FYB2: variants seen among roughly 807,000 people sequenced by gnomAD.
FYB2 encodes FYN-binding protein 2.
FYB2 carries 103 observed loss-of-function variants against 94.1 expected under a neutral mutation model. The observed-to-expected ratio is 1.09, with a 90% CI of 0.93 to 1.29. The LOEUF (loss-of-function observed/expected upper bound fraction) is 1.29, where lower values mean the gene tolerates loss of function less well. Ranked by LOEUF, FYB2 falls within the 50% of genes most tolerant of loss-of-function variation. The pLI, the probability that FYB2 is intolerant of heterozygous loss-of-function variation, is 0.00. For synonymous variants in FYB2, 293 were observed against 287.9 expected, an observed-to-expected ratio of 1.02 and a Z score of -0.18; for missense variants, 896 against 841.5, an observed-to-expected ratio of 1.06 and a Z score of -0.80.
chr1:56,738,119 C>G (rs1644871160), intron 14 of FYB2, among the ~76,000 whole-genome samples: 2 of 152,182 alleles, frequency 1.3e-5, no homozygotes, highest in Non-Finnish European at 2.9e-5. Context: ...GTGTCAAGCA[C>G]CGTGCTAATT....
chr1:56,774,461 C>T (rs553528285), intron 4 of FYB2, among the ~76,000 whole-genome samples: 5 of 152,236 alleles, frequency 3.3e-5, no homozygotes, highest in South Asian at 4.1e-4. Flanking sequence ...CTTGTCCTTT[C>T]GAATTCTACC....
At chr1:56,788,934 C>T (rs1249777096) in intron 3 of FYB2, 39 bp downstream of exon 3, 2 of 1,612,208 alleles carry the variant, frequency 1.2e-6, no homozygotes, top group African/African-American at 2.7e-5. Context: ...GGAGGTGACT[C>T]CTGGTTGGCC....
upstream of FYB2, among the ~76,000 whole-genome samples, chr1:56,822,320 G>A (rs558079691): frequency 1.6e-4 from 25 of 152,188 alleles, no homozygotes; most frequent in Admixed American, 2.6e-4. Flanking sequence ...TATTTAAATC[G>A]TAGAGAAATA....
Position 56,719,609 on chromosome 1 carries a change from A to C in FYB2, c.*62T>G. On this transcript the variant is annotated 3_prime_UTR_variant, in exon 20 of 20. Coordinates refer to ENST00000343433, the MANE Select transcript of FYB2 (RefSeq NM_001004303.5). ...ATGTAAACTGAAACTGATGTAACGC[A>C]GGACTAGGATCTTAGGACTAGTTCT... The C allele has an allele frequency of 1.4e-6, 2 of 1,425,272 alleles. No individual in the cohort carries two copies. The highest frequency in any genetic ancestry group is 2.3e-5 in the East Asian group (1 of 42,682). The allele number at this position is 1,425,272 out of a possible 1,614,324, so 88.3% of individuals were successfully genotyped here. A position where few individuals can be genotyped will look rare whatever the true frequency, so the allele number is the denominator to read the frequency against.
In FYB2 at chr1:56,792,385, C is replaced by T. The variant is rs1209685393; in HGVS notation, c.428G>A (p.Trp143Ter). The T allele has an allele frequency of 6.2e-7, 1 of 1,614,142 alleles. No individual in the cohort carries two copies. The highest frequency in any genetic ancestry group is 1.3e-5 in the African/African-American group (1 of 75,036). ...ANSFRNKLWN[W>*]EKVSSQKSEM... ...ACTTTTCTGAGATGAAACCTTCTCC[C>T]AGTTCCAGAGTTTGTTTCTGAAGCT... The change falls in exon 2 of 20, where the codon TGG (tryptophan) becomes TAG (stop). Residue 143 changes from tryptophan (W) to a stop codon, truncating the protein, a stop_gained. Coordinates refer to ENST00000343433, the MANE Select transcript of FYB2 (RefSeq NM_001004303.5). LOFTEE classifies it high-confidence loss of function.
intron 9 of FYB2, among the ~76,000 whole-genome samples, chr1:56,750,506 T>C (rs1221630640): frequency 2.6e-5 from 4 of 151,954 alleles, no homozygotes; most frequent in African/African-American, 9.7e-5. Context: ...AACCTCCTTT[T>C]CTTTTTGTGT....
At chr1:56,727,869 C>T (rs909561173) in intron 15 of FYB2, among the ~76,000 whole-genome samples, 5 of 152,048 alleles carry the variant, frequency 3.3e-5, no homozygotes, top group Non-Finnish European at 7.4e-5. Context: ...AGAATTTATC[C>T]AGATTCAGTG....
chr1:56,770,708 C>T (rs1255065589), intron 4 of FYB2, among the ~76,000 whole-genome samples: 1 of 152,112 alleles, frequency 6.6e-6, no homozygotes, highest in East Asian at 1.9e-4. Flanking sequence ...ACGCTCTTCA[C>T]TAGATTACCC....
At chr1:56,809,985 T>C (rs1328096336) in intron 1 of FYB2, among the ~76,000 whole-genome samples, 2 of 151,864 alleles carry the variant, frequency 1.3e-5, no homozygotes, top group African/African-American at 2.4e-5. Flanking sequence ...TGATATTTTG[T>C]TGAAGATAGT....
intron 5 of FYB2, among the ~76,000 whole-genome samples, chr1:56,761,495 C>T (rs561451221): frequency 2.6e-5 from 4 of 152,230 alleles, no homozygotes; most frequent in African/African-American, 7.2e-5. Context: ...AAGGTATCTG[C>T]GAGAGTCTCC....
chr1:56,756,009 T>C, intron 6 of FYB2, 82 bp from the exon 7 acceptor site: 1 of 1,368,900 alleles, frequency 7.3e-7, no homozygotes, highest in Non-Finnish European at 1.0e-6. Context: ...CATTAGAGAC[T>C]ACACCAAAAG....
chr1:56,775,842 T>C (rs775996210), intron 4 of FYB2, among the ~76,000 whole-genome samples: 2 of 152,156 alleles, frequency 1.3e-5, no homozygotes, highest in Non-Finnish European at 2.9e-5. Flanking sequence ...GAGAGAAAAG[T>C]ATGTCTGCTA....
At chr1:56,786,266 T>C (rs1238860021) in intron 4 of FYB2, among the ~76,000 whole-genome samples, 2 of 152,228 alleles carry the variant, frequency 1.3e-5, no homozygotes, top group Non-Finnish European at 2.9e-5. Flanking sequence ...GACTCATGTA[T>C]GCTATGAAAG....
At chr1:56,720,993 C>G (rs76008787) in intron 17 of FYB2, 2 of 151,972 alleles carry the variant, frequency 1.3e-5, no homozygotes, top group African/African-American at 4.8e-5. Context: ...TCTGTGTGAG[C>G]TTATGTATTC....
intron 15 of FYB2, among the ~76,000 whole-genome samples, chr1:56,732,632 C>A (rs1446716097): frequency 6.6e-6 from 1 of 152,056 alleles, no homozygotes; most frequent in African/African-American, 2.4e-5. Context: ...AAAACAGACA[C>A]ACAAACCAAT....
At chr1:56,756,653 T>C (rs753055150) in intron 6 of FYB2, among the ~76,000 whole-genome samples, 14 of 152,158 alleles carry the variant, frequency 9.2e-5, no homozygotes, top group Non-Finnish European at 1.2e-4. Context: ...ACTGGTAGAA[T>C]GACAAGTCAG....
intron 5 of FYB2, among the ~76,000 whole-genome samples, chr1:56,767,527 A>C (rs1340469741): frequency 6.6e-6 from 1 of 152,192 alleles, no homozygotes; most frequent in African/African-American, 2.4e-5. Context: ...ATGAATCATC[A>C]TATCTTGATT....
chr1:56,719,784 AAT>A (rs772111128), intron 19 of FYB2, 92 bp from the exon 20 acceptor site: 2 of 1,227,978 alleles, frequency 1.6e-6, no homozygotes, highest in Non-Finnish European at 2.3e-6. Context: ...GATCTAGTTT[AAT>A]ATGTTTGTGT....
chr1:56,755,365 C>T (rs1645302280), intron 7 of FYB2, among the ~76,000 whole-genome samples: 1 of 152,028 alleles, frequency 6.6e-6, no homozygotes, highest in African/African-American at 2.4e-5. Context: ...AGGGATTGGT[C>T]ACTTCTCTCA....
Sources: gnomAD v4.1 joint callset for allele counts (sites outside exome capture counted in the v4.1 genomes callset) on GRCh38, gnomAD v4.1.1 for gene constraint, MANE v1.5 for transcripts, NCBI Gene and HGNC (gene_info 2026-07-23, HGNC 2026-07-21) for gene names.